The following FAM131B variants were observed in gnomAD, a reference collection of about 807,000 sequenced individuals.
FAM131B encodes protein FAM131B.
FAM131B carries 19 observed loss-of-function variants against 42.0 expected under a neutral mutation model. The ratio of observed to expected loss-of-function variants is 0.45; its 90% confidence interval spans 0.32 to 0.66. The LOEUF (loss-of-function observed/expected upper bound fraction) is 0.66. FAM131B is among the 30% of genes least tolerant of loss of function. The pLI, the probability that FAM131B is intolerant of heterozygous loss-of-function variation, is 0.05. For synonymous variants in FAM131B, 183 were observed against 177.6 expected, an observed-to-expected ratio of 1.03 and a Z score of -0.24; for missense variants, 370 against 468.4, an observed-to-expected ratio of 0.79 and a Z score of 1.94.
Position 143,360,162 on chromosome 7 carries a change from G to A in FAM131B, c.29-13C>T, listed in dbSNP as rs965858962. On this transcript the variant is annotated splice_polypyrimidine_tract_variant and intron_variant, in intron 1 of 6. Coordinates refer to ENST00000443739, the MANE Select transcript of FAM131B (RefSeq NM_001031690.3). ...ATCACCTCATTCCCTGAGGGGGCCA[G>A]AAGGTTAGCCGCCGGCCCTCACCTC... 1 of 1,597,886 alleles carries A rather than the reference G, an allele frequency of 6.3e-7. No homozygotes were observed. The highest frequency in any genetic ancestry group is 8.5e-7 in the Non-Finnish European group (1 of 1,172,018).
upstream of FAM131B, chr7:143,363,997 T>C (rs1297122437): frequency 6.6e-6 from 1 of 152,172 alleles, no homozygotes; most frequent in Non-Finnish European, 1.5e-5. Flanking sequence ...GATGAGATTA[T>C]GGTGACAGAA....
chr7:143,365,671 G>C (rs1804164012), upstream of FAM131B, among the ~76,000 whole-genome samples: 1 of 152,158 alleles, frequency 6.6e-6, no homozygotes, highest in Non-Finnish European at 1.5e-5. Flanking sequence ...CATGATCAAA[G>C]CTCACTGCAG....
the FAM131B span, chr7:143,380,506 G>A: frequency 1.0e-6 from 1 of 985,366 alleles, no homozygotes; most frequent in Non-Finnish European, 1.2e-6. This position sits in a 1 kb window ranked among gnomAD's most constrained non-coding sequence, Gnocchi z 5.0. Flanking sequence ...CCGCGTCCGC[G>A]TCCGTCCTCC....
rs1212619983 is a variant in FAM131B at position 143,356,932 on chromosome 7, G to A, written c.701C>T (p.Ala234Val). 1.9e-6 allele frequency: 3 copies of A among 1,614,078 alleles called. No individual in the cohort carries two copies. The highest frequency in any genetic ancestry group is 1.1e-5 in the South Asian group (1 of 91,082). Residue 234 changes from alanine (A) to valine (V), a missense_variant, in exon 7 of 7, where the codon GCC (alanine) becomes GTC (valine). Ala to Val is a moderately conservative substitution (Grantham distance 64). Coordinates refer to ENST00000443739, the MANE Select transcript of FAM131B (RefSeq NM_001031690.3). This position sits in a 1 kb window ranked among gnomAD's most constrained non-coding sequence, Gnocchi z 4.4. ...AGAGGCAATGAGGGACTGATCGCTG[G>A]CTTCCCAGGCATCTGACGACCCCAG... The part of the protein sequence containing the change: ...YCLGSSDAWE[A>V]SDQSLIASPA...
At chr7:143,380,928 C>A in the FAM131B span, 4 of 412,882 alleles carry the variant, frequency 9.7e-6, no homozygotes, top group Non-Finnish European at 1.3e-5. The surrounding 1 kb of genome is among the most constrained non-coding windows in gnomAD (Gnocchi z 5.0). Flanking sequence ...CGCACAGGGG[C>A]TGCGTGGCTA....
the FAM131B span, chr7:143,379,641 C>T: frequency 6.6e-6 from 1 of 152,234 alleles, no homozygotes; most frequent in South Asian, 2.1e-4. Flanking sequence ...TCAGAATTTT[C>T]ATTCTGGGCA....
upstream of FAM131B, chr7:143,364,026 G>A (rs955155081): frequency 6.6e-6 from 1 of 152,206 alleles, no homozygotes; most frequent in Non-Finnish European, 1.5e-5. Context: ...CGGTGTATGT[G>A]CATGAAGAAA....
rs781609984 is a variant in FAM131B, at chr7:143,359,303, C to T, written c.268+23G>A. The T allele has an allele frequency of 1.1e-5, 17 of 1,561,798 alleles. No individual in the cohort carries two copies. The highest frequency in any genetic ancestry group is 1.4e-5 in the Non-Finnish European group (16 of 1,134,526). ...CTGTCAGCATTATTTTGTCTGAAGG[C>T]ATTCTTACATCAGGAGTCTCACCTG... On this transcript the variant is annotated intron_variant, in intron 4 of 6. Coordinates refer to ENST00000443739, the MANE Select transcript of FAM131B (RefSeq NM_001031690.3). The surrounding 1 kb of genome is among the most constrained non-coding windows in gnomAD (Gnocchi z 5.4).
At chr7:143,372,509 G>T in the FAM131B span, among the ~76,000 whole-genome samples, 2 of 152,164 alleles carry the variant, frequency 1.3e-5, no homozygotes, top group Admixed American at 1.3e-4. Context: ...GATGGCTCAG[G>T]GTCTATTTAG....
chr7:143,353,505 G>A lies in FAM131B; in HGVS notation c.*3045C>T, dbSNP rs1803511239. 1 of 152,250 alleles carries A rather than the reference G, an allele frequency of 6.6e-6. No individual in the cohort carries two copies. The highest frequency in any genetic ancestry group is 1.5e-5 in the Non-Finnish European group (1 of 68,052). The allele number at this position is 152,250 out of a possible 1,614,324, so 9.4% of individuals were successfully genotyped here. A position where few individuals can be genotyped will look rare whatever the true frequency, so the allele number is the denominator to read the frequency against. On this transcript the variant is annotated 3_prime_UTR_variant, in exon 7 of 7. Coordinates refer to ENST00000443739, the MANE Select transcript of FAM131B (RefSeq NM_001031690.3). ...AAGAGAGATGCTGAAGCCTGGGTGG[G>A]GGACTGGCAGTGGGCATTTGAGCCC...
At chr7:143,374,366 G>A in the FAM131B span, among the ~76,000 whole-genome samples, 1 of 152,108 alleles carries the variant, frequency 6.6e-6, no homozygotes, top group African/African-American at 2.4e-5. Context: ...TTCTGTGGAC[G>A]AGTTCATGTC....
chr7:143,373,675 A>G, the FAM131B span, among the ~76,000 whole-genome samples: 5 of 152,172 alleles, frequency 3.3e-5, no homozygotes, highest in African/African-American at 1.2e-4. Context: ...AAGGGCCTAC[A>G]TGCTCTGAAG....
chr7:143,381,915 T>C, the FAM131B span: 2 of 906,220 alleles, frequency 2.2e-6, no homozygotes, highest in South Asian at 3.7e-5. Flanking sequence ...GCAGATGTTC[T>C]TACCTCATCG....
chr7:143,372,063 C>G, the FAM131B span, among the ~76,000 whole-genome samples: 1 of 152,084 alleles, frequency 6.6e-6, no homozygotes, highest in East Asian at 1.9e-4. Context: ...AGGAGAAGGT[C>G]TAGAAGCCTT....
At chr7:143,366,263 A>G (rs1432434157), upstream of FAM131B, among the ~76,000 whole-genome samples, 1 of 152,240 alleles carries the variant, frequency 6.6e-6, no homozygotes, top group African/African-American at 2.4e-5. Flanking sequence ...TAAATTTTGA[A>G]ATGGGAAAGC....
the FAM131B span, among the ~76,000 whole-genome samples, chr7:143,373,575 G>C: frequency 2.0e-5 from 3 of 152,126 alleles, no homozygotes; most frequent in African/African-American, 4.8e-5. Context: ...GCCACCTGGT[G>C]GGGGGCGCTG....
At position 143,362,534 on chromosome 7, in the gene FAM131B, C is replaced by G; in HGVS notation, c.28+42G>C. 1 of 1,118,814 alleles carries G rather than the reference C, an allele frequency of 8.9e-7. No homozygotes were observed. The allele number at this position is 1,118,814 out of a possible 1,614,324, so 69.3% of individuals were successfully genotyped here. On this transcript the variant is annotated intron_variant, in intron 1 of 6. Transcript: ENST00000443739. The surrounding 1 kb of genome is among the most constrained non-coding windows in gnomAD (Gnocchi z 7.7). ...ATGGGGGAGGGGGTCGGAGGGCGGC[C>G]CGGGGGGCCCAGCCCTGCCCCCGCC...
chr7:143,359,234 G>C lies in FAM131B; in HGVS notation c.268+92C>G. The C allele has an allele frequency of 9.0e-7, 1 of 1,113,290 alleles. No homozygotes were observed. Among genetic ancestry groups the C allele is most frequent in the Non-Finnish European group, 1.3e-6 (1 of 744,240 alleles). 69.0% of individuals were successfully genotyped at this position (1,113,290 alleles called of 1,614,324 possible). On this transcript the variant is annotated intron_variant, in intron 4 of 6. Coordinates refer to ENST00000443739, the MANE Select transcript of FAM131B (RefSeq NM_001031690.3). This position sits in a 1 kb window ranked among gnomAD's most constrained non-coding sequence, Gnocchi z 5.4. ...AATAGGTCAGGGGGTGGGGATGAGG[G>C]TCTTCATCAACCTCGAAGGAGCAGG...
chr7:143,377,997 T>G, the FAM131B span, among the ~76,000 whole-genome samples: 2 of 152,368 alleles, frequency 1.3e-5, no homozygotes, highest in African/African-American at 4.8e-5. Context: ...ATTACAGGCG[T>G]GAGCCACTGT....
Sources: allele counts gnomAD v4.1 joint callset (sites outside exome capture counted in the v4.1 genomes callset), GRCh38; gene constraint gnomAD v4.1.1; non-coding constraint Gnocchi (gnomAD v3.1); transcripts MANE v1.5; gene names NCBI Gene and HGNC (gene_info 2026-07-23, HGNC 2026-07-21).